Variants in SLC8A2 observed in about 807,000 individuals in gnomAD.
SLC8A2 encodes the protein sodium/calcium exchanger 2.
In SLC8A2, 14 loss-of-function variants were observed where a neutral mutation model predicts 70.2. The observed-to-expected ratio is 0.20, with a 90% CI of 0.13 to 0.31. The LOEUF (loss-of-function observed/expected upper bound fraction) is 0.31, where lower values mean the gene tolerates loss of function less well. SLC8A2 is among the 10% of genes least tolerant of loss of function. SLC8A2 has a pLI of 1.00. For synonymous variants in SLC8A2, 575 were observed against 594.3 expected, an observed-to-expected ratio of 0.97 and a Z score of 0.47; for missense variants, 779 against 1,320.1, an observed-to-expected ratio of 0.59 and a Z score of 6.35.
rs2254560 is a variant in SLC8A2, at chr19:47,441,453, T to A, written c.1764-13A>T. The A allele has an allele frequency of 6.4e-7, 1 of 1,555,206 alleles. No homozygotes were observed. The highest frequency in any genetic ancestry group is 1.1e-5 in the South Asian group (1 of 88,690). On this transcript the variant is annotated splice_polypyrimidine_tract_variant and intron_variant, in intron 4 of 9. Transcript: ENST00000236877. ...CTGAAGAGTTTTCCTGTGCAGGGGG[T>A]AAGGGGGAGGCAGAACACTCAGTGT...
intron 8 of SLC8A2, among the ~76,000 whole-genome samples, chr19:47,435,453 C>T (rs891597430): frequency 1.3e-5 from 2 of 151,926 alleles, no homozygotes; most frequent in African/African-American, 4.8e-5. Flanking sequence ...GGAAATGCTC[C>T]GAAGCTCAAA....
chr19:47,471,011 A>G (rs1394644168), intron 1 of SLC8A2, among the ~76,000 whole-genome samples: 1 of 151,706 alleles, frequency 6.6e-6, no homozygotes, highest in African/African-American at 2.4e-5. Flanking sequence ...GGCGGAGACA[A>G]AGGTGTGTGG....
In SLC8A2 at chr19:47,447,595, A is replaced by G; in HGVS notation, c.1763+214T>C. On this transcript the variant is annotated intron_variant, in intron 4 of 9. Coordinates refer to ENST00000236877, the MANE Select transcript of SLC8A2 (RefSeq NM_015063.3). This position sits in a 1 kb window ranked among gnomAD's most constrained non-coding sequence, Gnocchi z 5.1. The stretch of plus-strand genomic sequence containing the variant: ...CAGGCCCCTCTCCTCCTGAGGGCCC[A>G]GCTGTTCAGTGAAGCCCCGCCCACG... The G allele has an allele frequency of 3.7e-6, 2 of 534,728 alleles. No individual in the cohort carries two copies. Among genetic ancestry groups the G allele is most frequent in the Non-Finnish European group, 6.5e-6 (2 of 309,358 alleles). 33.1% of individuals were successfully genotyped at this position (534,728 alleles called of 1,614,324 possible).
intron 4 of SLC8A2, among the ~76,000 whole-genome samples, chr19:47,445,355 C>T (rs1025289609): frequency 8.5e-5 from 13 of 152,156 alleles, no homozygotes; most frequent in African/African-American, 3.1e-4. Flanking sequence ...ATGATCCACC[C>T]GTGTTGGCCT....
chr19:47,459,757 CTG>C (rs1442852623), intron 2 of SLC8A2, among the ~76,000 whole-genome samples: 2 of 150,834 alleles, frequency 1.3e-5, no homozygotes, highest in Admixed American at 6.6e-5. Context: ...GTGTGTCCAT[CTG>C]TGTGCATGTG....
chr19:47,440,232 T>C (rs2122621014), intron 6 of SLC8A2, among the ~76,000 whole-genome samples: 1 of 152,284 alleles, frequency 6.6e-6, no homozygotes, highest in South Asian at 2.1e-4. Context: ...AACTTTAGCT[T>C]TGACCTAAAT....
At chr19:47,455,041 C>T (rs1046540820) in intron 3 of SLC8A2, among the ~76,000 whole-genome samples, 2 of 151,594 alleles carry the variant, frequency 1.3e-5, no homozygotes, top group African/African-American at 2.4e-5. Flanking sequence ...GAGCCGAGAT[C>T]GTACCACTGT....
Position 47,429,875 on chromosome 19 carries a change from G to A in SLC8A2, c.*214C>T. 1 of 602,124 alleles carries A rather than the reference G, an allele frequency of 1.7e-6. No individual in the cohort carries two copies. Among genetic ancestry groups the A allele is most frequent in the Non-Finnish European group, 2.9e-6 (1 of 341,220 alleles). 37.3% of individuals were successfully genotyped at this position (602,124 alleles called of 1,614,324 possible). A position where few individuals can be genotyped will look rare whatever the true frequency, so the allele number is the denominator to read the frequency against. Reference sequence around the variant, plus strand: ...CTGGAGTTGGGGTCACCGCAGGGGAGGAACCGGGGAGGCTCCCGAGAGGAA... The same window carrying A: ...CTGGAGTTGGGGTCACCGCAGGGGAAGAACCGGGGAGGCTCCCGAGAGGAA... On this transcript the variant is annotated 3_prime_UTR_variant, in exon 10 of 10. Transcript: ENST00000236877.
At chr19:47,435,841 C>T (rs1369056632) in intron 8 of SLC8A2, among the ~76,000 whole-genome samples, 1 of 152,146 alleles carries the variant, frequency 6.6e-6, no homozygotes, top group African/African-American at 2.4e-5. Flanking sequence ...AGCCACCGCA[C>T]CCAGCCTCTA....
chr19:47,469,100 C>A (rs1312754450), intron 1 of SLC8A2, among the ~76,000 whole-genome samples: 1 of 149,124 alleles, frequency 6.7e-6, no homozygotes, highest in Non-Finnish European at 1.5e-5. Flanking sequence ...AGAGAGCAAG[C>A]GAGGAGCATG....
At position 47,432,423 on chromosome 19, in the gene SLC8A2, G is replaced by A. The variant is rs773053138; in HGVS notation, c.2133C>T (p.Asp711=). 136 of 1,597,966 alleles carry A rather than the reference G, an allele frequency of 8.5e-5. No individual in the cohort carries two copies. The East Asian group carries it at 1.1e-3, about 13-fold the overall frequency. The change falls in exon 9 of 10, where the codon GAC becomes GAT. Residue 711 remains aspartate, a synonymous_variant. Coordinates refer to ENST00000236877, the MANE Select transcript of SLC8A2 (RefSeq NM_015063.3). The surrounding 1 kb of genome is among the most constrained non-coding windows in gnomAD (Gnocchi z 6.2). ...VSAGDEEEEE[D]GSREERLPSC... ...ACGGCAGCCGCTCCTCCCGGGACCCGTCCTCCTCCTCCTCCTCGTCCCCTG... is the reference window on the plus strand; with the variant it reads ...ACGGCAGCCGCTCCTCCCGGGACCCATCCTCCTCCTCCTCCTCGTCCCCTG...
intron 7 of SLC8A2, 78 bp downstream of exon 7, chr19:47,437,771 T>C: frequency 2.6e-6 from 4 of 1,558,378 alleles, no homozygotes; most frequent in Non-Finnish European, 2.7e-6. Flanking sequence ...AGGAACCTTG[T>C]GGCTCCCCGC....
At chr19:47,444,549 C>T (rs561208849) in intron 4 of SLC8A2, among the ~76,000 whole-genome samples, 1 of 152,322 alleles carries the variant, frequency 6.6e-6, no homozygotes, top group East Asian at 1.9e-4. Flanking sequence ...AGACATGCTC[C>T]TCACACACCC....
chr19:47,445,989 T>A (rs1967156766), intron 4 of SLC8A2, among the ~76,000 whole-genome samples: 1 of 151,580 alleles, frequency 6.6e-6, no homozygotes, highest in Admixed American at 6.6e-5. Flanking sequence ...GAGAGCGAGG[T>A]GCTGGGGACA....
In SLC8A2 at chr19:47,457,028, C is replaced by G. The variant is rs745826693; in HGVS notation, c.1242G>C (p.Leu414=). 3 of 1,611,448 alleles carry G rather than the reference C, an allele frequency of 1.9e-6. No individual in the cohort carries two copies. Among genetic ancestry groups the G allele is most frequent in the Non-Finnish European group, 2.5e-6 (3 of 1,179,000 alleles). ...CCTCGCCGCCCTGGCACGTGACGGA[C>G]AGCAGCACGGAGCCGCAGTTCTCCA... ...HCLENCGSVL[L]SVTCQGGEGN... is the part of the protein sequence containing the mutation. Residue 414 remains leucine, a synonymous_variant, in exon 3 of 10, where the codon CTG becomes CTC. Transcript: ENST00000236877.
rs922985468 is a variant in SLC8A2 at position 47,447,222 on chromosome 19, C to T, written c.1763+587G>A. Among the ~76,000 whole-genome samples, 1 of 151,874 alleles carries T rather than the reference C, an allele frequency of 6.6e-6. No homozygotes were observed. The highest frequency in any genetic ancestry group is 1.5e-5 in the Non-Finnish European group (1 of 67,988). ...TTCCCATTTCCTGATGTCGTATGTC[C>T]AAACCCAGACCCCACCTATCGCCCT... On this transcript the variant is annotated intron_variant, in intron 4 of 9. Transcript: ENST00000236877. The surrounding 1 kb of genome is among the most constrained non-coding windows in gnomAD (Gnocchi z 5.1).
rs1967455962 is a variant in SLC8A2, at chr19:47,466,175, C to T, written c.229G>A (p.Val77Met). The change falls in exon 2 of 10, where the codon GTG (valine) becomes ATG (methionine). Residue 77 changes from valine to methionine, a missense_variant. Val to Met is a conservative substitution (Grantham distance 21, BLOSUM62 1). Around this residue, in one of 6 missense-constraint regions of SLC8A2, gnomAD observed 155 missense variants for 318.6 expected, o/e 0.49. Transcript: ENST00000236877. This position sits in a 1 kb window ranked among gnomAD's most constrained non-coding sequence, Gnocchi z 6.9. ...DKAARAVVYF[V>M]AMVYMFLGVS... is the part of the protein sequence containing the mutation. ...CCCAGAAACATGTAGACCATGGCCA[C>T]AAAGTACACCACTGCCCGTGCCGCC... is the stretch of plus-strand genomic sequence containing the variant. The T allele has an allele frequency of 6.2e-7, 1 of 1,614,098 alleles. No individual in the cohort carries two copies. Among genetic ancestry groups the T allele is most frequent in the Non-Finnish European group, 8.5e-7 (1 of 1,180,052 alleles).
intron 4 of SLC8A2, among the ~76,000 whole-genome samples, chr19:47,446,581 C>T (rs928013907): frequency 1.3e-5 from 2 of 152,158 alleles, no homozygotes; most frequent in Non-Finnish European, 2.9e-5. Context: ...GTGCACACCA[C>T]CATGCCCAGC....
chr19:47,430,571 G>A lies in SLC8A2; in HGVS notation c.2390-106C>T, dbSNP rs1966944699. Reference sequence around the variant, plus strand: ...CTTTCCCGGTCGCCTGCTTTCTGCGGGCAGTGTGGGCTCAAGACCCCTGAC... The same window carrying A: ...CTTTCCCGGTCGCCTGCTTTCTGCGAGCAGTGTGGGCTCAAGACCCCTGAC... On this transcript the variant is annotated intron_variant, in intron 9 of 9. Coordinates refer to ENST00000236877, the MANE Select transcript of SLC8A2 (RefSeq NM_015063.3). This position sits in a 1 kb window ranked among gnomAD's most constrained non-coding sequence, Gnocchi z 5.9. 2.4e-6 allele frequency: 3 copies of A among 1,262,838 alleles called. No individual in the cohort carries two copies. The highest frequency in any genetic ancestry group is 3.2e-6 in the Non-Finnish European group (3 of 938,480). 78.2% of individuals were successfully genotyped at this position (1,262,838 alleles called of 1,614,324 possible).
Sources: gnomAD v4.1 joint callset for allele counts (sites outside exome capture counted in the v4.1 genomes callset) on GRCh38, gnomAD v4.1.1 for gene constraint, gnomAD v4.1.1 regional missense constraint, Gnocchi (gnomAD v3.1) non-coding constraint, MANE v1.5 for transcripts, NCBI Gene and HGNC (gene_info 2026-07-23, HGNC 2026-07-21) for gene names.